Variants in SLC22A25 observed in about 807,000 individuals in gnomAD.
The protein encoded by SLC22A25 is solute carrier family 22 member 25.
SLC22A25 carries 44 observed loss-of-function variants against 45.9 expected under a neutral mutation model. The ratio of observed to expected loss-of-function variants is 0.96; its 90% CI spans 0.75 to 1.23. The LOEUF is 1.23. SLC22A25 is among the 50% of genes most tolerant of loss of function. The pLI is 0.00. For synonymous variants in SLC22A25, 283 were observed against 238.6 expected, an observed-to-expected ratio of 1.19 and a Z score of -1.72; for missense variants, 800 against 666.4, an observed-to-expected ratio of 1.20 and a Z score of -2.21.
intron 7 of SLC22A25, among the ~76,000 whole-genome samples, chr11:63,189,848 T>C (rs113200948): frequency 0.011 from 1,606 of 152,360 alleles, 19 homozygotes; most frequent in African/African-American, 0.024. Context: ...AAAATTCTTT[T>C]CTTTAAGAAC....
intron 3 of SLC22A25, among the ~76,000 whole-genome samples, chr11:63,234,950 A>G (rs893721596): frequency 2.0e-5 from 3 of 152,308 alleles, no homozygotes; most frequent in African/African-American, 7.2e-5. Flanking sequence ...TTCTTGAAGA[A>G]TGTCGAATAT....
intron 5 of SLC22A25, among the ~76,000 whole-genome samples, chr11:63,221,372 T>C (rs945527355): frequency 3.3e-5 from 5 of 152,194 alleles, no homozygotes; most frequent in Non-Finnish European, 7.4e-5. Context: ...TTTTTTCTGA[T>C]GACCAATGAT....
At chr11:63,164,696 A>G in intron 10 of SLC22A25, 62 bp from the exon 11 acceptor site, 1 of 1,353,342 alleles carries the variant, frequency 7.4e-7, no homozygotes, top group Non-Finnish European at 1.1e-6. Flanking sequence ...GCATCTCCCA[A>G]GGTAGAAGTG....
intron 1 of SLC22A25, among the ~76,000 whole-genome samples, chr11:63,240,377 A>T (rs2090228544): frequency 6.6e-6 from 1 of 152,180 alleles, no homozygotes; most frequent in Non-Finnish European, 1.5e-5. Flanking sequence ...TGTTAATTCC[A>T]ACAGATTATA....
chr11:63,214,687 CTG>C (rs1457896497), intron 7 of SLC22A25, among the ~76,000 whole-genome samples: 1 of 152,118 alleles, frequency 6.6e-6, no homozygotes, highest in Non-Finnish European at 1.5e-5. Flanking sequence ...AATTGAATAA[CTG>C]TCTTTGTTTC....
intron 7 of SLC22A25, among the ~76,000 whole-genome samples, chr11:63,211,286 T>C (rs1360984007): frequency 6.6e-6 from 1 of 152,102 alleles, no homozygotes; most frequent in Non-Finnish European, 1.5e-5. Flanking sequence ...GAAATGCAAG[T>C]CCTCCTGGAA....
At chr11:63,213,663 T>C (rs182326879) in intron 7 of SLC22A25, among the ~76,000 whole-genome samples, 1 of 152,228 alleles carries the variant, frequency 6.6e-6, no homozygotes, top group East Asian at 1.9e-4. Flanking sequence ...TATAAATACC[T>C]TGAACCCAGC....
At chr11:63,211,255 C>A (rs1244482819) in intron 7 of SLC22A25, among the ~76,000 whole-genome samples, 1 of 152,146 alleles carries the variant, frequency 6.6e-6, no homozygotes, top group East Asian at 1.9e-4. Context: ...TAAATCAGCT[C>A]TATGAACATG....
chr11:63,175,481 T>C (rs895704111), intron 9 of SLC22A25, among the ~76,000 whole-genome samples: 1 of 152,062 alleles, frequency 6.6e-6, no homozygotes, highest in Non-Finnish European at 1.5e-5. Flanking sequence ...GAGTTGTAGG[T>C]TTTCCTAATA....
At chr11:63,215,798 T>A (rs1460536108) in intron 7 of SLC22A25, among the ~76,000 whole-genome samples, 1 of 152,054 alleles carries the variant, frequency 6.6e-6, no homozygotes, top group East Asian at 1.9e-4. Context: ...TGGACCCCAG[T>A]GTTTATTGTT....
At chr11:63,202,321 G>T (rs990165668) in intron 7 of SLC22A25, among the ~76,000 whole-genome samples, 18 of 152,112 alleles carry the variant, frequency 1.2e-4, no homozygotes, top group African/African-American at 4.1e-4. Context: ...CCCCTGTAAA[G>T]GGGGCACTGA....
intron 3 of SLC22A25, among the ~76,000 whole-genome samples, chr11:63,236,993 C>T (rs2090175918): frequency 6.6e-6 from 1 of 152,190 alleles, no homozygotes; most frequent in Non-Finnish European, 1.5e-5. Context: ...ATCTGTCTTT[C>T]AGTTCTCATA....
At chr11:63,233,059 C>T (rs2090099009) in intron 3 of SLC22A25, among the ~76,000 whole-genome samples, 1 of 152,102 alleles carries the variant, frequency 6.6e-6, no homozygotes, top group Non-Finnish European at 1.5e-5. Context: ...AGGATTTTTG[C>T]ATCAATGTTC....
At chr11:63,206,781 T>C (rs889108949) in intron 7 of SLC22A25, among the ~76,000 whole-genome samples, 3 of 152,180 alleles carry the variant, frequency 2.0e-5, no homozygotes, top group African/African-American at 7.2e-5. Flanking sequence ...AAAAAAGTAC[T>C]TGAAATTTCA....
chr11:63,220,650 G>A (rs1009005054), intron 5 of SLC22A25, among the ~76,000 whole-genome samples: 10 of 152,106 alleles, frequency 6.6e-5, no homozygotes, highest in Non-Finnish European at 1.3e-4. Context: ...TTATTTTAAA[G>A]TGTACAATTA....
chr11:63,205,649 G>A (rs1246866867), intron 7 of SLC22A25, among the ~76,000 whole-genome samples: 2 of 152,114 alleles, frequency 1.3e-5, no homozygotes, highest in Non-Finnish European at 2.9e-5. Flanking sequence ...TTCTGAAATT[G>A]AGGCAGTAAT....
At chr11:63,218,760 T>C (rs2089783136) in intron 5 of SLC22A25, among the ~76,000 whole-genome samples, 1 of 152,202 alleles carries the variant, frequency 6.6e-6, no homozygotes, top group Admixed American at 6.5e-5. Context: ...AAGGAAATTC[T>C]GTGTTTTATT....
At chr11:63,228,933 G>A (rs2090015723) in intron 4 of SLC22A25, among the ~76,000 whole-genome samples, 1 of 152,158 alleles carries the variant, frequency 6.6e-6, no homozygotes, top group Non-Finnish European at 1.5e-5. Flanking sequence ...TTTCCCAGAG[G>A]TTTATAATTT....
At chr11:63,198,646 A>G (rs2089138199) in intron 7 of SLC22A25, among the ~76,000 whole-genome samples, 1 of 152,198 alleles carries the variant, frequency 6.6e-6, no homozygotes, top group Non-Finnish European at 1.5e-5. Context: ...CCAGCACACC[A>G]AAATGGCACA....
Sources: gnomAD v4.1 joint callset for allele counts (sites outside exome capture counted in the v4.1 genomes callset) on GRCh38, gnomAD v4.1.1 for gene constraint, MANE v1.5 for transcripts, NCBI Gene and HGNC (gene_info 2026-07-23, HGNC 2026-07-21) for gene names.